Variants in TCF4 observed in about 807,000 individuals in gnomAD.
The protein encoded by TCF4 is transcription factor 4.
Under a neutral mutation model 82.1 loss-of-function variants are expected in TCF4, and 3 were observed. The observed-to-expected ratio is 0.04, with a 90% confidence interval of 0.02 to 0.09. TCF4 has a LOEUF of 0.09. TCF4 is among the 10% of genes least tolerant of loss of function. The pLI, the probability that TCF4 is intolerant of heterozygous loss-of-function variation, is 1.00. For missense variants in TCF4, 518 were observed against 852.7 expected (o/e 0.61, Z 4.89); for synonymous variants, 276 against 309.6 (o/e 0.89, Z 1.14).
At chr18:55,280,052 T>C (rs945015960) in intron 8 of TCF4, among the ~76,000 whole-genome samples, 3 of 152,210 alleles carry the variant, frequency 2.0e-5, no homozygotes, top group African/African-American at 7.2e-5. Context: ...TTTCAAATGG[T>C]AGAGTAAAAA....
chr18:55,392,906 T>C (rs904252090), intron 6 of TCF4, among the ~76,000 whole-genome samples: 5 of 152,234 alleles, frequency 3.3e-5, no homozygotes, highest in African/African-American at 4.8e-5. Flanking sequence ...TAAATCACTA[T>C]ATATTGGCAT....
chr18:55,506,853 TTTC>T (rs1468470688), intron 3 of TCF4, among the ~76,000 whole-genome samples: 1 of 151,912 alleles, frequency 6.6e-6, no homozygotes, highest in Non-Finnish European at 1.5e-5. Flanking sequence ...GCATATGATC[TTTC>T]TTTTTTTTTT....
intron 3 of TCF4, among the ~76,000 whole-genome samples, chr18:55,512,670 G>A (rs988169775): frequency 2.0e-5 from 3 of 151,928 alleles, no homozygotes; most frequent in Non-Finnish European, 4.4e-5. Context: ...AGTGGGAGTG[G>A]TATATATAGA....
At chr18:55,609,398 C>G (rs1364145985) in intron 2 of TCF4, among the ~76,000 whole-genome samples, 1 of 152,080 alleles carries the variant, frequency 6.6e-6, no homozygotes, top group African/African-American at 2.4e-5. Context: ...TCAGAATTTG[C>G]TTTCTGAATG....
chr18:55,431,862 C>CG (rs959236608), intron 5 of TCF4, among the ~76,000 whole-genome samples: 6 of 151,968 alleles, frequency 3.9e-5, no homozygotes, highest in Middle Eastern at 3.4e-3. Context: ...TAACTAATGT[C>CG]GGGGGGGTCT....
intron 2 of TCF4, among the ~76,000 whole-genome samples, chr18:55,614,540 TTTTCA>T (rs2097710061): frequency 6.6e-6 from 1 of 152,222 alleles, no homozygotes; most frequent in Non-Finnish European, 1.5e-5. Context: ...TTGTTGGATC[TTTTCA>T]TATGATTATT....
chr18:55,562,366 A>T (rs1265630118), intron 3 of TCF4, among the ~76,000 whole-genome samples: 2 of 152,238 alleles, frequency 1.3e-5, no homozygotes, highest in Non-Finnish European at 2.9e-5. Flanking sequence ...AAATGGTAAC[A>T]TTCATAACAT....
At chr18:55,247,107 CAT>C (rs912644202) in intron 15 of TCF4, among the ~76,000 whole-genome samples, 18 of 152,110 alleles carry the variant, frequency 1.2e-4, no homozygotes, top group African/African-American at 3.9e-4. Flanking sequence ...AAAGGTGGGC[CAT>C]ACGGTGTATA....
chr18:55,369,159 G>A (rs1300573781), intron 6 of TCF4, among the ~76,000 whole-genome samples: 5 of 152,136 alleles, frequency 3.3e-5, no homozygotes, highest in Non-Finnish European at 5.9e-5. Flanking sequence ...TGTGTGTATT[G>A]AAACCTTCCC....
intron 11 of TCF4, among the ~76,000 whole-genome samples, chr18:55,262,121 A>AGT (rs1189622944): frequency 2.6e-5 from 4 of 152,246 alleles, no homozygotes; most frequent in African/African-American, 4.8e-5. Context: ...CACTAAAAAA[A>AGT]GTGAACTGGT....
intron 6 of TCF4, among the ~76,000 whole-genome samples, chr18:55,362,339 GAGGAAGGAAGGAAGGAAGGAAGGA>G (rs765447444): frequency 2.9e-5 from 2 of 68,578 alleles, no homozygotes; most frequent in African/African-American, 1.3e-4. Context: ...AAAAAAAAAA[GAGGAAGGAAGGAAGGAAGGAAGGA>G]AGGAAGGAAG....
At chr18:55,378,692 A>T (rs1476808087) in intron 6 of TCF4, among the ~76,000 whole-genome samples, 1 of 152,218 alleles carries the variant, frequency 6.6e-6, no homozygotes, top group African/African-American at 2.4e-5. Flanking sequence ...CGAATTATGG[A>T]TTATCTAACA....
chr18:55,428,566 G>A (rs1394168866), intron 5 of TCF4, among the ~76,000 whole-genome samples: 1 of 152,002 alleles, frequency 6.6e-6, no homozygotes, highest in Non-Finnish European at 1.5e-5. Context: ...ACATTCCTGG[G>A]GTTTTACAGA....
intron 3 of TCF4, among the ~76,000 whole-genome samples, chr18:55,538,017 TGC>T (rs756676190): frequency 0.13 from 18,219 of 138,732 alleles, 1,463 homozygotes; most frequent in Admixed American, 0.27. Flanking sequence ...TTTGCTAGTC[TGC>T]GCGCGCGCAC....
intron 2 of TCF4, among the ~76,000 whole-genome samples, chr18:55,594,570 G>A (rs2097688954): frequency 6.6e-6 from 1 of 152,118 alleles, no homozygotes; most frequent in African/African-American, 2.4e-5. Context: ...TTTTCTTGGG[G>A]TTTCATTTTA....
intron 4 of TCF4, 147 bp downstream of exon 4, chr18:55,463,929 C>T (rs552451100): frequency 4.1e-5 from 34 of 820,368 alleles, no homozygotes; most frequent in African/African-American, 2.7e-4. Flanking sequence ...TGTTTGTGTG[C>T]GTGTGCATGC....
intron 2 of TCF4, among the ~76,000 whole-genome samples, chr18:55,606,383 G>A (rs635538): frequency 0.94 from 143,422 of 152,288 alleles, 67,622 homozygotes; most frequent in East Asian, 1. Context: ...GAATATTAAC[G>A]GAAATGTTTC....
chr18:55,599,005 T>A (rs906061300), intron 2 of TCF4, among the ~76,000 whole-genome samples: 1 of 152,202 alleles, frequency 6.6e-6, no homozygotes, highest in Non-Finnish European at 1.5e-5. Flanking sequence ...GACTGGACCA[T>A]TTTAGGAATA....
intron 8 of TCF4, among the ~76,000 whole-genome samples, chr18:55,316,167 G>A (rs777403332): frequency 6.6e-6 from 1 of 152,004 alleles, no homozygotes. Context: ...TTATGTGTCC[G>A]CATACTGAAA....
Sources: allele counts gnomAD v4.1 joint callset (sites outside exome capture counted in the v4.1 genomes callset), GRCh38; gene constraint gnomAD v4.1.1; transcripts MANE v1.5; gene names NCBI Gene and HGNC (gene_info 2026-07-23, HGNC 2026-07-21).